The following UBL7 variants were observed in gnomAD, a reference collection of about 807,000 sequenced individuals.
UBL7 encodes ubiquitin like 7.
In UBL7, 21 loss-of-function variants were observed where a neutral mutation model predicts 41.7. The observed-to-expected ratio is 0.50, with a 90% CI of 0.36 to 0.73. UBL7 has a LOEUF of 0.73. Ranked by LOEUF, UBL7 falls within the 30% of genes least tolerant of loss-of-function variation. The pLI is 0.00. For missense variants in UBL7, 403 were observed against 478.4 expected (o/e 0.84, Z 1.47); for synonymous variants, 157 against 186.9 (o/e 0.84, Z 1.31).
chr15:74,458,546 C>T (rs934388953), intron 2 of UBL7, 138 bp downstream of exon 2: 3 of 719,852 alleles, frequency 4.2e-6, no homozygotes, highest in Non-Finnish European at 6.9e-6. Context: ...TTTCTATTTA[C>T]CCAACATTCA....
intron 3 of UBL7, 123 bp from the exon 4 acceptor site, chr15:74,452,501 C>T (rs2061259573): frequency 2.1e-6 from 2 of 942,552 alleles, no homozygotes; most frequent in Middle Eastern, 2.3e-4. Context: ...TCCCTCATCA[C>T]CCCTTAAGAA....
Position 74,458,202 on chromosome 15 carries a change from G to A in UBL7, c.184+482C>T, listed in dbSNP as rs1242552082. ...TCCCAGCATTTTGGGAGGCTGAGGC[G>A]GGCAGAATCACAAGGTTAGGAGTTC... On this transcript the variant is annotated intron_variant, in intron 2 of 10. Coordinates refer to ENST00000395081, the MANE Select transcript of UBL7 (RefSeq NM_032907.5). Among the ~76,000 whole-genome samples the A allele has an allele frequency of 5.3e-5, 8 of 152,086 alleles. No homozygotes were observed. In the East Asian group the frequency reaches 5.8e-4, roughly 11 times the overall value.
At position 74,461,107 on chromosome 15, in the gene UBL7, C is replaced by G; in HGVS notation, c.-100G>C. 1 of 999,240 alleles carries G rather than the reference C, an allele frequency of 1.0e-6. No individual in the cohort carries two copies. The highest frequency in any genetic ancestry group is 1.2e-6 in the Non-Finnish European group (1 of 836,874). The allele number at this position is 999,240 out of a possible 1,614,324, so 61.9% of individuals were successfully genotyped here. ...GCTGCCCAGGGCCCCAGCGCCCTCA[C>G]CCGTCCCGCGGAAGGAACCCGGCCG... is the stretch of plus-strand genomic sequence containing the variant. On this transcript the variant is annotated 5_prime_UTR_variant, in exon 1 of 11. Transcript: ENST00000395081.
At chr15:74,454,852 TA>T (rs1219899029) in intron 3 of UBL7, among the ~76,000 whole-genome samples, 2 of 152,202 alleles carry the variant, frequency 1.3e-5, no homozygotes, top group Non-Finnish European at 2.9e-5. Flanking sequence ...GAAGGAAAAC[TA>T]GAGCAAGGTG....
Position 74,458,708 on chromosome 15 carries a change from ACTC to A in UBL7, c.157_159del (p.Glu53del), listed in dbSNP as rs1567093162. On this transcript the variant is annotated inframe_deletion, in exon 2 of 11. Transcript: ENST00000395081. ...CCAATCAGCTCAGGGTCTGGAACAG[ACTC>A]CTGGAGTTTGCCAGCAATAAGCTGC... 1 of 1,613,780 alleles carries A rather than the reference ACTC, an allele frequency of 6.2e-7. No individual in the cohort carries two copies. The highest frequency in any genetic ancestry group is 1.1e-5 in the South Asian group (1 of 91,074).
In UBL7 at chr15:74,456,706, TC is replaced by T. The variant is rs2061298598; in HGVS notation, c.185-36del. ...GAACTGTCCACTTATATTTTGCTCC[TC>T]AAAACAAATTTACATGGTTTTTGTC... is the stretch of plus-strand genomic sequence containing the variant. On this transcript the variant is annotated intron_variant, in intron 2 of 10. Coordinates refer to ENST00000395081, the MANE Select transcript of UBL7 (RefSeq NM_032907.5). 3 of 1,593,416 alleles carry T rather than the reference TC, an allele frequency of 1.9e-6. No homozygotes were observed. The Middle Eastern group carries it at 5.0e-4, about 267-fold the overall frequency.
In UBL7 at chr15:74,449,296, A is replaced by G. The variant is rs758712948; in HGVS notation, c.772T>C (p.Tyr258His). The G allele has an allele frequency of 6.2e-7, 1 of 1,613,896 alleles. No homozygotes were observed. Among genetic ancestry groups the G allele is most frequent in the South Asian group, 1.1e-5 (1 of 91,078 alleles). Residue 258 changes from tyrosine (Y) to histidine (H), a missense_variant, in exon 9 of 11, where the codon TAC becomes CAC. Physicochemically the swap from Tyr to His is moderately conservative, Grantham distance 83. Coordinates refer to ENST00000395081, the MANE Select transcript of UBL7 (RefSeq NM_032907.5). Reference sequence around the variant, plus strand: ...GGCCGGGGCCCAGCAGCTCCACTGTACCCCAGGGAGGCTGGGCGGGAGCTG... The same window carrying G: ...GGCCGGGGCCCAGCAGCTCCACTGTGCCCCAGGGAGGCTGGGCGGGAGCTG... ...TPSSRPASLGYSGAAGPRPIT... is the reference protein window; with the variant it reads ...TPSSRPASLGHSGAAGPRPIT...
chr15:74,456,600 T>C lies in UBL7; in HGVS notation c.256A>G (p.Thr86Ala). ...CAGGACTTTCGCAGAACATGGACAG[T>C]GGACCCAGGTTGAATGCCATAGAAG... ...LDFYGIQPGS[T>A]VHVLRKSWPE... Residue 86 changes from threonine (T) to alanine (A), a missense_variant, in exon 3 of 11, where the codon ACT becomes GCT. Thr to Ala is a moderately conservative substitution (Grantham distance 58). Coordinates refer to ENST00000395081, the MANE Select transcript of UBL7 (RefSeq NM_032907.5). The C allele has an allele frequency of 6.2e-7, 1 of 1,614,154 alleles. No homozygotes were observed. The highest frequency in any genetic ancestry group is 8.5e-7 in the Non-Finnish European group (1 of 1,180,026).
Position 74,449,691 on chromosome 15 carries a change from C to T in UBL7, c.665-16G>A. 6.2e-7 allele frequency: 1 copy of T among 1,614,136 alleles called. No homozygotes were observed. The highest frequency in any genetic ancestry group is 8.5e-7 in the Non-Finnish European group (1 of 1,180,022). ...AGGAAGCCACCTGGAGGAGGACGAACAGATTTCAGGAGGAAGAACAGAAAG... is the reference window on the plus strand; with the variant it reads ...AGGAAGCCACCTGGAGGAGGACGAATAGATTTCAGGAGGAAGAACAGAAAG... On this transcript the variant is annotated splice_polypyrimidine_tract_variant and intron_variant, in intron 7 of 10. Coordinates refer to ENST00000395081, the MANE Select transcript of UBL7 (RefSeq NM_032907.5).
Position 74,449,260 on chromosome 15 carries a change from T to A in UBL7, c.808A>T (p.Ser270Cys). 1 of 1,612,022 alleles carries A rather than the reference T, an allele frequency of 6.2e-7. No homozygotes were observed. The highest frequency in any genetic ancestry group is 8.5e-7 in the Non-Finnish European group (1 of 1,179,238). The change falls in exon 9 of 11, where the codon AGT becomes TGT. Residue 270 changes from serine to cysteine, a missense_variant. Transcript: ENST00000395081. ...AGGGCCAAGGCGGTGGCCAGCTCAC[T>A]CTGGGTGATGGGCCGGGGCCCAGCA... Reference protein sequence around the residue: ...GAAGPRPITQSELATALALAS... With the variant: ...GAAGPRPITQCELATALALAS...
Position 74,456,595 on chromosome 15 carries a change from G to A in UBL7, c.261C>T (p.Val87=). Reference sequence around the variant, plus strand: ...CAGGCCAGGACTTTCGCAGAACATGGACAGTGGACCCAGGTTGAATGCCAT... The same window carrying A: ...CAGGCCAGGACTTTCGCAGAACATGAACAGTGGACCCAGGTTGAATGCCAT... ...DFYGIQPGST[V]HVLRKSWPEP... is the part of the protein sequence containing the mutation. The change falls in exon 3 of 11, where the codon GTC becomes GTT. Residue 87 remains valine (V), a synonymous_variant. Transcript: ENST00000395081. 1.2e-6 allele frequency: 2 copies of A among 1,614,134 alleles called. No individual in the cohort carries two copies. The highest frequency in any genetic ancestry group is 1.7e-6 in the Non-Finnish European group (2 of 1,180,006).
In UBL7 at chr15:74,449,965, A is replaced by G. The variant is rs1596213267; in HGVS notation, c.635T>C (p.Met212Thr). 1 of 1,613,150 alleles carries G rather than the reference A, an allele frequency of 6.2e-7. No homozygotes were observed. Residue 212 changes from methionine (M) to threonine (T), a missense_variant, in exon 7 of 11, where the codon ATG becomes ACG. By Grantham distance (81) the Met-to-Thr change is moderately conservative (BLOSUM62 -1). Coordinates refer to ENST00000395081, the MANE Select transcript of UBL7 (RefSeq NM_032907.5). ...MPGTDSSSRS[M>T]PSSSYRDMPG... The stretch of plus-strand genomic sequence containing the variant: ...CATATCCCGGTATGAGCTGGAGGGC[A>G]TGCTCCGGGAAGAGGAGTCAGTCCC...
intron 5 of UBL7, 94 bp from the exon 6 acceptor site, chr15:74,450,953 G>A (rs1311795439): frequency 2.2e-5 from 28 of 1,285,854 alleles, no homozygotes; most frequent in Non-Finnish European, 3.0e-5. Context: ...AGCTCAACAG[G>A]GACACAGGAC....
rs1259593262 is a variant in UBL7, at chr15:74,452,226, C to T, written c.387+70G>A. On this transcript the variant is annotated intron_variant, in intron 4 of 10. Coordinates refer to ENST00000395081, the MANE Select transcript of UBL7 (RefSeq NM_032907.5). Reference sequence around the variant, plus strand: ...GGCAACGGGCTTCCAGCTCCCACTCCACACCACTCGCCAGCCAGCGTTCAC... The same window carrying T: ...GGCAACGGGCTTCCAGCTCCCACTCTACACCACTCGCCAGCCAGCGTTCAC... 9 of 1,496,086 alleles carry T rather than the reference C, an allele frequency of 6.0e-6. No individual in the cohort carries two copies. In the East Asian group the frequency reaches 1.5e-4, roughly 25 times the overall value. 92.7% of individuals were successfully genotyped at this position (1,496,086 alleles called of 1,614,324 possible). A position where few individuals can be genotyped will look rare whatever the true frequency, so the allele number is the denominator to read the frequency against.
At chr15:74,456,147 AAT>A (rs1245977476) in intron 3 of UBL7, among the ~76,000 whole-genome samples, 1 of 150,968 alleles carries the variant, frequency 6.6e-6, no homozygotes, top group African/African-American at 2.4e-5. Flanking sequence ...AAAAAAAAAA[AAT>A]TAGCTGGGCA....
rs535365352 is a variant in UBL7, at chr15:74,446,632, T to C, written c.1006-405A>G. Among the ~76,000 whole-genome samples the C allele has an allele frequency of 6.6e-6, 1 of 152,260 alleles. No homozygotes were observed. Among genetic ancestry groups the C allele is most frequent in the South Asian group, 2.1e-4 (1 of 4,834 alleles). On this transcript the variant is annotated intron_variant, in intron 10 of 10. Coordinates refer to ENST00000395081, the MANE Select transcript of UBL7 (RefSeq NM_032907.5). The surrounding 1 kb of genome is among the most constrained non-coding windows in gnomAD (Gnocchi z 4.1). The stretch of plus-strand genomic sequence containing the variant: ...ACTTTGCTTCGGTTTTTTGTTTGGT[T>C]TGGTTTGCCACGCAGAAATTTTCAC...
chr15:74,447,332 A>G (rs1164893893), intron 10 of UBL7, among the ~76,000 whole-genome samples: 1 of 152,226 alleles, frequency 6.6e-6, no homozygotes, highest in Non-Finnish European at 1.5e-5. Flanking sequence ...CAAACTGCTC[A>G]TGCATGGAGC....
Position 74,458,822 on chromosome 15 carries a change from G to A in UBL7, c.46C>T (p.Pro16Ser), listed in dbSNP as rs2061318847. ...CGAAGAATAGACTTTGGAGTAAGTGGCTGGTCAGCCAGCTTCACCGCCAGG... is the reference window on the plus strand; with the variant it reads ...CGAAGAATAGACTTTGGAGTAAGTGACTGGTCAGCCAGCTTCACCGCCAGG... The part of the protein sequence containing the change: ...WHLAVKLADQ[P>S]LTPKSILRLP... Residue 16 changes from proline to serine, a missense_variant, in exon 2 of 11, where the codon CCA (proline) becomes TCA (serine). Coordinates refer to ENST00000395081, the MANE Select transcript of UBL7 (RefSeq NM_032907.5). The A allele has an allele frequency of 6.2e-7, 1 of 1,613,210 alleles. No individual in the cohort carries two copies. The highest frequency in any genetic ancestry group is 8.5e-7 in the Non-Finnish European group (1 of 1,180,038).
chr15:74,453,532 G>A (rs1399509180), intron 3 of UBL7, among the ~76,000 whole-genome samples: 6 of 152,154 alleles, frequency 3.9e-5, no homozygotes, highest in African/African-American at 1.4e-4. Context: ...TACTGGGGGG[G>A]TGAAGGTATT....
Sources: gnomAD v4.1 joint callset for allele counts (sites outside exome capture counted in the v4.1 genomes callset) on GRCh38, gnomAD v4.1.1 for gene constraint, Gnocchi (gnomAD v3.1) non-coding constraint, MANE v1.5 for transcripts, NCBI Gene and HGNC (gene_info 2026-07-23, HGNC 2026-07-21) for gene names.